The following SNX29 variants were observed in gnomAD, a reference collection of about 807,000 sequenced individuals.
The protein encoded by SNX29 is sorting nexin 29, also known as sorting nexin-29.
Under a neutral mutation model 102.1 loss-of-function variants are expected in SNX29, and 78 were observed. That is an observed-to-expected ratio of 0.76 (90% CI 0.64 to 0.92). SNX29 has a LOEUF of 0.92. SNX29 is among the 40% of genes least tolerant of loss of function. SNX29 has a pLI of 0.00. For missense variants in SNX29, 1,280 were observed against 1,061.7 expected (o/e 1.21, Z -2.86); for synonymous variants, 580 against 414.5 (o/e 1.40, Z -4.85).
At chr16:12,248,393 C>CTT (rs111573419) in intron 14 of SNX29, among the ~76,000 whole-genome samples, 10 of 142,612 alleles carry the variant, frequency 7.0e-5, no homozygotes, top group East Asian at 2.0e-4. Flanking sequence ...CAGATCTCTG[C>CTT]TTTTTTTTTT....
At chr16:12,540,771 A>C (rs1437419444) in intron 20 of SNX29, among the ~76,000 whole-genome samples, 2 of 152,188 alleles carry the variant, frequency 1.3e-5, no homozygotes, top group African/African-American at 2.4e-5. Flanking sequence ...CACCTCCCCT[A>C]GAGTGTCAGG....
chr16:12,541,190 C>A (rs957092603), intron 20 of SNX29, among the ~76,000 whole-genome samples: 1 of 152,108 alleles, frequency 6.6e-6, no homozygotes, highest in African/African-American at 2.4e-5. Context: ...TATTGTCTAT[C>A]CTGAAGTATT....
chr16:12,378,849 G>C lies in SNX29; in HGVS notation c.1900-19597G>C, dbSNP rs2082973965. On this transcript the variant is annotated intron_variant, in intron 16 of 20. Coordinates refer to ENST00000566228, the MANE Select transcript of SNX29 (RefSeq NM_032167.5). ...CCTCATGGAAACAGCAGTCGCTGCAGTGTTCTCAGGCTGTTTAGACTCAAG... is the reference window on the plus strand; with the variant it reads ...CCTCATGGAAACAGCAGTCGCTGCACTGTTCTCAGGCTGTTTAGACTCAAG... Among the ~76,000 whole-genome samples the C allele has an allele frequency of 2.0e-5, 3 of 152,194 alleles. No homozygotes were observed. The South Asian group carries it at 6.2e-4, about 31-fold the overall frequency.
At chr16:12,176,398 A>G (rs1407413730) in intron 13 of SNX29, among the ~76,000 whole-genome samples, 1 of 152,176 alleles carries the variant, frequency 6.6e-6, no homozygotes. Context: ...GGGAATAGTG[A>G]ATGTTCCAGA....
At chr16:12,120,275 C>G (rs1435118013) in intron 11 of SNX29, among the ~76,000 whole-genome samples, 1 of 152,158 alleles carries the variant, frequency 6.6e-6, no homozygotes, top group East Asian at 1.9e-4. Flanking sequence ...TGCATGTGCC[C>G]TCATGAGCTC....
chr16:12,435,151 C>A (rs930625275), intron 18 of SNX29, among the ~76,000 whole-genome samples: 5 of 152,084 alleles, frequency 3.3e-5, no homozygotes, highest in African/African-American at 1.2e-4. Context: ...ATGTGTGCAC[C>A]CTGCTGCCCT....
At position 12,574,156 on chromosome 16, in the gene SNX29, T is replaced by TA. The variant is rs1567233025; in HGVS notation, c.*5529dup. 1 of 181,408 alleles carries TA rather than the reference T, an allele frequency of 5.5e-6. No individual in the cohort carries two copies. The highest frequency in any genetic ancestry group is 6.3e-5 in the Admixed American group (1 of 15,946). The allele number at this position is 181,408 out of a possible 1,614,324, so 11.2% of individuals were successfully genotyped here. On this transcript the variant is annotated 3_prime_UTR_variant, in exon 21 of 21. Transcript: ENST00000566228. Reference sequence around the variant, plus strand: ...AATAGGATTTTTAAACAAATGTGTTTAATTTTTTAAGATCTCTTGTATTAA... The same window carrying TA: ...AATAGGATTTTTAAACAAATGTGTTTAAATTTTTTAAGATCTCTTGTATTAA...
intron 16 of SNX29, among the ~76,000 whole-genome samples, chr16:12,384,150 T>A (rs1351125681): frequency 6.6e-6 from 1 of 152,232 alleles, no homozygotes; most frequent in East Asian, 1.9e-4. Context: ...CTTCCAAATC[T>A]TGGTTGTTGC....
intron 20 of SNX29, among the ~76,000 whole-genome samples, chr16:12,544,075 G>C (rs1794311): frequency 0.23 from 34,755 of 152,148 alleles, 4,260 homozygotes; most frequent in East Asian, 0.47. Flanking sequence ...GGTAGGGGTA[G>C]AGGTCTTTCT....
At chr16:12,077,278 TAA>T (rs61448876) in intron 10 of SNX29, among the ~76,000 whole-genome samples, 2,749 of 145,680 alleles carry the variant, frequency 0.019, 72 homozygotes, top group African/African-American at 0.047. Flanking sequence ...GAACCTGTCT[TAA>T]AAAAAAAAAA....
intron 14 of SNX29, among the ~76,000 whole-genome samples, chr16:12,208,888 C>G (rs1032012116): frequency 4.0e-5 from 6 of 151,138 alleles, no homozygotes; most frequent in African/African-American, 1.5e-4. Context: ...TCGTTTATTT[C>G]TCCATTTATG....
chr16:12,570,476 TCTG>T lies in SNX29; in HGVS notation c.*1851_*1853del, dbSNP rs1469585317. ...AGGCAGGAAACGTCTAAAAGCTCAA[TCTG>T]CTGTATGTCATGACCCCTTAGGTTG... On this transcript the variant is annotated 3_prime_UTR_variant, in exon 21 of 21. Coordinates refer to ENST00000566228, the MANE Select transcript of SNX29 (RefSeq NM_032167.5). 3 of 233,892 alleles carry T rather than the reference TCTG, an allele frequency of 1.3e-5. No homozygotes were observed. 14.5% of individuals were successfully genotyped at this position (233,892 alleles called of 1,614,324 possible). A position where few individuals can be genotyped will look rare whatever the true frequency, so the allele number is the denominator to read the frequency against.
intron 4 of SNX29, among the ~76,000 whole-genome samples, chr16:12,037,781 C>G (rs2630858): frequency 6.6e-6 from 1 of 151,216 alleles, no homozygotes; most frequent in Non-Finnish European, 1.5e-5. Context: ...GTAAGACCCT[C>G]GTCTCTACAG....
chr16:12,042,973 C>G lies in SNX29; in HGVS notation c.324C>G (p.Ile108Met). The change falls in exon 5 of 21, where the codon ATC becomes ATG. Residue 108 changes from isoleucine to methionine, a missense_variant. Ile to Met is a conservative substitution (Grantham distance 10). Transcript: ENST00000566228. ...ELQRFYSLRH[I>M]ASDVGRGRAW... ...AGCGCTTCTACTCCCTGCGCCACAT[C>G]GCCTCAGACGTGGGCCGGGGTCGCG... 6.2e-7 allele frequency: 1 copy of G among 1,613,890 alleles called. No homozygotes were observed.
chr16:12,407,428 A>C (rs908290301), intron 18 of SNX29, among the ~76,000 whole-genome samples: 8 of 152,258 alleles, frequency 5.3e-5, no homozygotes, highest in African/African-American at 1.9e-4. Flanking sequence ...CCCCTTTAAA[A>C]TATATTTTAG....
At chr16:12,005,056 G>C (rs6498262) in intron 3 of SNX29, among the ~76,000 whole-genome samples, 67,443 of 152,040 alleles carry the variant, frequency 0.44, 15,671 homozygotes, top group Non-Finnish European at 0.52. Flanking sequence ...ATTTAAATAT[G>C]TGTGCCACCA....
intron 20 of SNX29, among the ~76,000 whole-genome samples, chr16:12,553,553 C>T (rs533674109): frequency 1.3e-5 from 2 of 152,150 alleles, no homozygotes; most frequent in East Asian, 1.9e-4. Context: ...CTGCAGGGAG[C>T]TAAGCAGGAG....
At chr16:12,413,728 G>A (rs111591276) in intron 18 of SNX29, among the ~76,000 whole-genome samples, 2,368 of 152,318 alleles carry the variant, frequency 0.016, 66 homozygotes, top group African/African-American at 0.055. Context: ...GGCGCTGGAC[G>A]ATCCTCACGC....
chr16:12,414,194 G>A (rs143159874), intron 18 of SNX29, among the ~76,000 whole-genome samples: 4 of 152,234 alleles, frequency 2.6e-5, no homozygotes, highest in East Asian at 1.9e-4. Flanking sequence ...CCACTGATAC[G>A]GAGGGCTGAC....
Sources: gnomAD v4.1 joint callset for allele counts (sites outside exome capture counted in the v4.1 genomes callset) on GRCh38, gnomAD v4.1.1 for gene constraint, MANE v1.5 for transcripts, NCBI Gene and HGNC (gene_info 2026-07-23, HGNC 2026-07-21) for gene names.